Variants in CDIP1 observed in about 807,000 individuals in gnomAD.
The protein encoded by CDIP1 is cell death-inducing p53-target protein 1.
CDIP1 carries 9 observed loss-of-function variants against 17.7 expected under a neutral mutation model. That is an observed-to-expected ratio of 0.51 (90% confidence interval 0.31 to 0.89). The LOEUF (loss-of-function observed/expected upper bound fraction) is 0.89. Among genes scored for constraint, CDIP1 ranks in the 40% least tolerant of loss-of-function variants. CDIP1 has a pLI of 0.05. For synonymous variants in CDIP1, 117 were observed against 109.5 expected (o/e 1.07, Z -0.43); for missense variants, 263 against 277.9 (o/e 0.95, Z 0.38).
At chr16:4,520,070 G>C (rs1488421312) in intron 1 of CDIP1, among the ~76,000 whole-genome samples, 1 of 151,752 alleles carries the variant, frequency 6.6e-6, no homozygotes, top group Non-Finnish European at 1.5e-5. Flanking sequence ...TATTCTGTTA[G>C]AGAAGCACAA....
Position 4,513,175 on chromosome 16 carries a change from G to A in CDIP1, c.242-111C>T, listed in dbSNP as rs952455606. The A allele has an allele frequency of 1.1e-5, 13 of 1,139,522 alleles. No homozygotes were observed. In the East Asian group the frequency reaches 1.3e-4, roughly 11 times the overall value. The allele number at this position is 1,139,522 out of a possible 1,614,324, so 70.6% of individuals were successfully genotyped here. A position where few individuals can be genotyped will look rare whatever the true frequency, so the allele number is the denominator to read the frequency against. On this transcript the variant is annotated intron_variant, in intron 4 of 5. Transcript: ENST00000567695. This position sits in a 1 kb window ranked among gnomAD's most constrained non-coding sequence, Gnocchi z 4.1. ...CACAGCGCCCAGCGTGCAAGGCTAC[G>A]CCTCAGACCTCCTACCGCCCTCCTA... is the stretch of plus-strand genomic sequence containing the variant.
chr16:4,525,272 A>T (rs1442213524), intron 1 of CDIP1, among the ~76,000 whole-genome samples: 1 of 152,188 alleles, frequency 6.6e-6, no homozygotes, highest in Non-Finnish European at 1.5e-5. Context: ...AGGCTGGAGC[A>T]GATGCTTCCG....
In CDIP1 at chr16:4,511,479, A is replaced by C. The variant is rs528633499; in HGVS notation, c.*1093T>G. Reference sequence around the variant, plus strand: ...TGAGCAAGTTCACAAACCATTCAGGAAATAAAGACAGGGCGAGGCTGGTGT... The same window carrying C: ...TGAGCAAGTTCACAAACCATTCAGGCAATAAAGACAGGGCGAGGCTGGTGT... On this transcript the variant is annotated 3_prime_UTR_variant, in exon 6 of 6. Transcript: ENST00000567695. The C allele has an allele frequency of 2.6e-5, 4 of 152,768 alleles. No individual in the cohort carries two copies. Among genetic ancestry groups the C allele is most frequent in the African/African-American group, 9.6e-5 (4 of 41,596 alleles). 9.5% of individuals were successfully genotyped at this position (152,768 alleles called of 1,614,324 possible).
chr16:4,526,590 C>A (rs2059003299), intron 1 of CDIP1, among the ~76,000 whole-genome samples: 2 of 151,738 alleles, frequency 1.3e-5, no homozygotes, highest in South Asian at 4.2e-4. Context: ...GTCCCATCTA[C>A]TCAGGAGGCT....
chr16:4,536,365 G>A (rs531564464), intron 1 of CDIP1: 1 of 152,208 alleles, frequency 6.6e-6, no homozygotes, highest in East Asian at 1.9e-4. Flanking sequence ...GAGCTAAATT[G>A]CACTACACAC....
At chr16:4,526,752 T>A (rs1056775789) in intron 1 of CDIP1, among the ~76,000 whole-genome samples, 7 of 150,320 alleles carry the variant, frequency 4.7e-5, no homozygotes, top group African/African-American at 1.7e-4. Context: ...AAAATAAAAT[T>A]AAAAATAAAA....
intron 1 of CDIP1, among the ~76,000 whole-genome samples, chr16:4,537,667 G>A (rs1339388591): frequency 6.6e-6 from 1 of 152,200 alleles, no homozygotes; most frequent in African/African-American, 2.4e-5. Flanking sequence ...CCTGGGCAGC[G>A]CGACGGAACT....
Position 4,514,447 on chromosome 16 carries a change from G to C in CDIP1, c.-15+128C>G. 1 of 356,516 alleles carries C rather than the reference G, an allele frequency of 2.8e-6. No individual in the cohort carries two copies. Among genetic ancestry groups the C allele is most frequent in the East Asian group, 5.0e-5 (1 of 20,122 alleles). The allele number at this position is 356,516 out of a possible 1,614,324, so 22.1% of individuals were successfully genotyped here. A position where few individuals can be genotyped will look rare whatever the true frequency, so the allele number is the denominator to read the frequency against. On this transcript the variant is annotated intron_variant, in intron 2 of 5. Transcript: ENST00000567695. The surrounding 1 kb of genome is among the most constrained non-coding windows in gnomAD (Gnocchi z 5.2). ...GCCTAACTCAGCACTTGCCCCACAC[G>C]AGAGCAGTTTGGCACCGAGCTCTCC...
At chr16:4,519,040 A>T (rs905210867) in intron 1 of CDIP1, among the ~76,000 whole-genome samples, 5 of 152,142 alleles carry the variant, frequency 3.3e-5, no homozygotes, top group Non-Finnish European at 7.4e-5. Context: ...TCTTGCTTTA[A>T]ATCTTGGATT....
chr16:4,513,951 T>TA lies in CDIP1; in HGVS notation c.85+94dup. On this transcript the variant is annotated intron_variant, in intron 3 of 5. Transcript: ENST00000567695. This position sits in a 1 kb window ranked among gnomAD's most constrained non-coding sequence, Gnocchi z 4.1. ...TTGGGACACAGATGGGGCCCAGGGG[T>TA]AACCCTGGAGTGGGCATCACCACTT... is the stretch of plus-strand genomic sequence containing the variant. 1.5e-6 allele frequency: 2 copies of TA among 1,377,936 alleles called. No homozygotes were observed. Among genetic ancestry groups the TA allele is most frequent in the Non-Finnish European group, 2.0e-6 (2 of 1,017,732 alleles). 85.4% of individuals were successfully genotyped at this position (1,377,936 alleles called of 1,614,324 possible).
intron 1 of CDIP1, among the ~76,000 whole-genome samples, chr16:4,536,178 A>ACATGTC (rs368230735): frequency 1.3e-5 from 2 of 152,202 alleles, no homozygotes; most frequent in African/African-American, 4.8e-5. Context: ...ATGAGTAAAA[A>ACATGTC]CATGTCCTTA....
At position 4,514,874 on chromosome 16, in the gene CDIP1, G is replaced by C. The variant is rs545291525; in HGVS notation, c.-104-210C>G. 7.8e-5 allele frequency: 12 copies of C among 152,918 alleles called. No homozygotes were observed. Among genetic ancestry groups the C allele is most frequent in the African/African-American group, 2.9e-4 (12 of 41,550 alleles). The allele number at this position is 152,918 out of a possible 1,614,324, so 9.5% of individuals were successfully genotyped here. ...GCTTCCTCCCTCCCCCAGGACTGCTGGCACCCAAGGGCCACGGCTGGGCCC... is the reference window on the plus strand; with the variant it reads ...GCTTCCTCCCTCCCCCAGGACTGCTCGCACCCAAGGGCCACGGCTGGGCCC... On this transcript the variant is annotated intron_variant, in intron 1 of 5. Coordinates refer to ENST00000567695, the MANE Select transcript of CDIP1 (RefSeq NM_013399.3). This position sits in a 1 kb window ranked among gnomAD's most constrained non-coding sequence, Gnocchi z 5.2.
intron 1 of CDIP1, among the ~76,000 whole-genome samples, chr16:4,518,942 A>G (rs1401047051): frequency 1.3e-5 from 2 of 152,200 alleles, no homozygotes; most frequent in African/African-American, 4.8e-5. Context: ...AGTTCCCAAC[A>G]GAGGAGGAAG....
rs193302552 is a variant in CDIP1 at position 4,514,134 on chromosome 16, C to T, written c.-4G>A. The T allele has an allele frequency of 5.9e-6, 9 of 1,534,836 alleles. No individual in the cohort carries two copies. In the East Asian group the frequency reaches 1.0e-4, roughly 17 times the overall value. ...GAGGGGGAGGCTCGCTGGACATCTT[C>T]GCTGCTTCTCCTGGACATGGAGGGA... On this transcript the variant is annotated 5_prime_UTR_variant, in exon 3 of 6. Coordinates refer to ENST00000567695, the MANE Select transcript of CDIP1 (RefSeq NM_013399.3). The surrounding 1 kb of genome is among the most constrained non-coding windows in gnomAD (Gnocchi z 5.2).
intron 1 of CDIP1, among the ~76,000 whole-genome samples, chr16:4,524,550 C>T (rs572660868): frequency 2.6e-5 from 4 of 152,250 alleles, no homozygotes; most frequent in Admixed American, 1.3e-4. Context: ...CAGGGCAAGC[C>T]GACTCAGCCC....
chr16:4,515,420 T>A (rs1202433852), intron 1 of CDIP1, among the ~76,000 whole-genome samples: 1 of 152,208 alleles, frequency 6.6e-6, no homozygotes, highest in Admixed American at 6.5e-5. Flanking sequence ...TAGGCAGTGG[T>A]TTCTTAGATA....
intron 1 of CDIP1, among the ~76,000 whole-genome samples, chr16:4,535,493 C>T (rs746177605): frequency 6.6e-5 from 10 of 152,216 alleles, no homozygotes; most frequent in Admixed American, 2.0e-4. Context: ...CTTTGTCTGC[C>T]GTCAGGGACC....
rs149129530 is a variant in CDIP1 at position 4,514,082 on chromosome 16, G to T, written c.49C>A (p.Leu17Ile). 263 of 1,535,994 alleles carry T rather than the reference G, an allele frequency of 1.7e-4. No individual in the cohort carries two copies. The African/African-American group carries it at 3.5e-3, about 20-fold the overall frequency. ...PPYPGGPTAP[L>I]LEEKSGAPPT... is the part of the protein sequence containing the mutation. ...GGGGCTCCACTTTTCTCTTCCAGAA[G>T]TGGGGCTGTGGGGCCCCCAGGATAA... Residue 17 changes from leucine (L) to isoleucine (I), a missense_variant, in exon 3 of 6, where the codon CTT becomes ATT. Coordinates refer to ENST00000567695, the MANE Select transcript of CDIP1 (RefSeq NM_013399.3). This position sits in a 1 kb window ranked among gnomAD's most constrained non-coding sequence, Gnocchi z 5.2.
chr16:4,533,621 C>G (rs988339277), intron 1 of CDIP1: 1 of 152,268 alleles, frequency 6.6e-6, no homozygotes, highest in Non-Finnish European at 1.5e-5. Flanking sequence ...TCAAGGGTGA[C>G]AGGGAAGAGT....
Sources: gnomAD v4.1 joint callset for allele counts (sites outside exome capture counted in the v4.1 genomes callset) on GRCh38, gnomAD v4.1.1 for gene constraint, Gnocchi (gnomAD v3.1) non-coding constraint, MANE v1.5 for transcripts, NCBI Gene and HGNC (gene_info 2026-07-23, HGNC 2026-07-21) for gene names.